Variants in RHOT1 observed in about 807,000 individuals in gnomAD.
The protein encoded by RHOT1 is mitochondrial Rho GTPase 1.
Under a neutral mutation model 95.3 loss-of-function variants are expected in RHOT1, and 27 were observed. That is an observed-to-expected ratio of 0.28 (90% CI 0.21 to 0.39). The LOEUF (loss-of-function observed/expected upper bound fraction) is 0.39. RHOT1 is among the 10% of genes least tolerant of loss of function. The pLI, the probability that RHOT1 is intolerant of heterozygous loss-of-function variation, is 1.00. For synonymous variants in RHOT1, 227 were observed against 263.5 expected (o/e 0.86, Z 1.34); for missense variants, 578 against 786.7 (o/e 0.73, Z 3.17).
intron 1 of RHOT1, among the ~76,000 whole-genome samples, chr17:32,161,664 T>A (rs913300539): frequency 6.6e-6 from 1 of 152,220 alleles, no homozygotes; most frequent in Non-Finnish European, 1.5e-5. Context: ...CAGGGACAGC[T>A]TGGAGGTTAG....
chr17:32,187,242 G>T lies in RHOT1; in HGVS notation c.540+3970G>T, dbSNP rs76193658. On this transcript the variant is annotated intron_variant, in intron 8 of 19. Coordinates refer to ENST00000545287, the MANE Select transcript of RHOT1 (RefSeq NM_001033566.3). ...GTGGAGGTTGCAGTGAGCTGAGATTGCACCACTGCACTCCAGCCTGGGCTA... is the reference window on the plus strand; with the variant it reads ...GTGGAGGTTGCAGTGAGCTGAGATTTCACCACTGCACTCCAGCCTGGGCTA... Among the ~76,000 whole-genome samples, 462 of 152,154 alleles carry T rather than the reference G, an allele frequency of 3.0e-3. 4 individuals carry two copies. Among genetic ancestry groups the T allele is most frequent in the African/African-American group, 0.01 (425 of 41,542 alleles).
intron 1 of RHOT1, among the ~76,000 whole-genome samples, chr17:32,152,600 AAG>A (rs1202710918): frequency 2.6e-5 from 4 of 151,996 alleles, no homozygotes; most frequent in East Asian, 1.9e-4. Flanking sequence ...TGAAAAAAAA[AAG>A]AGAGAGAGAG....
chr17:32,171,481 A>G (rs2034574412), intron 2 of RHOT1, among the ~76,000 whole-genome samples: 1 of 152,202 alleles, frequency 6.6e-6, no homozygotes, highest in South Asian at 2.1e-4. Context: ...AGTTCATCTA[A>G]GTCTTTTGCA....
chr17:32,190,390 G>A (rs1031859883), intron 8 of RHOT1, among the ~76,000 whole-genome samples: 5 of 152,092 alleles, frequency 3.3e-5, no homozygotes, highest in African/African-American at 4.8e-5. Context: ...GGGAGGCAGA[G>A]GTTGCAGTGA....
intron 1 of RHOT1, among the ~76,000 whole-genome samples, chr17:32,168,139 A>G (rs1364684628): frequency 1.3e-5 from 2 of 152,100 alleles, no homozygotes; most frequent in Non-Finnish European, 2.9e-5. Flanking sequence ...CTTTCAAAAT[A>G]TTACTGCTCA....
intron 1 of RHOT1, among the ~76,000 whole-genome samples, chr17:32,170,041 C>G (rs1032131574): frequency 5.9e-5 from 9 of 151,870 alleles, no homozygotes; most frequent in African/African-American, 1.9e-4. Context: ...ACTTGGAAAC[C>G]ATTCCAATGT....
At chr17:32,185,799 C>T (rs746844813) in intron 8 of RHOT1, among the ~76,000 whole-genome samples, 46 of 149,008 alleles carry the variant, frequency 3.1e-4, no homozygotes, top group Middle Eastern at 3.7e-3. Context: ...TAGCTCACTG[C>T]GGCCTCAAAC....
intron 19 of RHOT1, among the ~76,000 whole-genome samples, chr17:32,215,912 A>G (rs1262023764): frequency 6.6e-6 from 1 of 152,096 alleles, no homozygotes; most frequent in Non-Finnish European, 1.5e-5. Flanking sequence ...AATTATTTGA[A>G]TTTGAATACA....
Position 32,211,143 on chromosome 17 carries a change from C to T in RHOT1, c.1767C>T (p.Thr589=). 1.2e-6 allele frequency: 2 copies of T among 1,610,532 alleles called. No individual in the cohort carries two copies. The highest frequency in any genetic ancestry group is 1.1e-5 in the South Asian group (1 of 90,698). ...YPHARLRCMC[T]CNRCTFCICQ... ...ATGCCCGGTTACGCTGTATGTGCAC[C>T]TGCAACAGGTGTACATTTTGCATCT... The change falls in exon 19 of 20, where the codon ACC becomes ACT. Residue 589 remains threonine (T), a synonymous_variant. Transcript: ENST00000545287.
At chr17:32,208,867 T>C (rs2037934814) in intron 18 of RHOT1, 2 of 156,210 alleles carry the variant, frequency 1.3e-5, no homozygotes, top group Non-Finnish European at 2.8e-5. Flanking sequence ...ATTTATTATA[T>C]ATCTATACAT....
chr17:32,225,446 AT>A lies in RHOT1; in HGVS notation c.*716del, dbSNP rs966433862. 1.8e-4 allele frequency: 28 copies of A among 152,570 alleles called. No individual in the cohort carries two copies. Among genetic ancestry groups the A allele is most frequent in the African/African-American group, 6.8e-4 (28 of 41,434 alleles). 9.5% of individuals were successfully genotyped at this position (152,570 alleles called of 1,614,324 possible). On this transcript the variant is annotated 3_prime_UTR_variant, in exon 20 of 20. Transcript: ENST00000545287. ...GCCCTTTCAATGAAATAAAAAAAAA[AT>A]TTGTATATTACCAATGTTTTTAGTT...
intron 11 of RHOT1, among the ~76,000 whole-genome samples, chr17:32,196,166 A>G (rs545034686): frequency 1.8e-4 from 27 of 151,802 alleles, no homozygotes; most frequent in African/African-American, 6.5e-4. Flanking sequence ...ACACAGGATA[A>G]AACCCAAGCT....
At chr17:32,149,166 A>G (rs919807760) in intron 1 of RHOT1, among the ~76,000 whole-genome samples, 2 of 152,170 alleles carry the variant, frequency 1.3e-5, no homozygotes, top group Non-Finnish European at 2.9e-5. Flanking sequence ...TGTCCTCCAT[A>G]TTAATAACAT....
rs1162059092 is a variant in RHOT1, at chr17:32,149,591, CTATATATATATATA to C, written c.37+6894_37+6907del. Among the ~76,000 whole-genome samples, 219 of 52,686 alleles carry C rather than the reference CTATATATATATATA, an allele frequency of 4.2e-3. 3 individuals are homozygous for C. Among genetic ancestry groups the C allele is most frequent in the African/African-American group, 7.9e-3 (162 of 20,558 alleles). 34.6% of individuals were successfully genotyped at this position (52,686 alleles called of 152,430 possible). The stretch of plus-strand genomic sequence containing the variant: ...GGTGAATCACTTGAGCCCAGCAGTT[CTATATATATATATA>C]TATATATATATATATATATATATAT... On this transcript the variant is annotated intron_variant, in intron 1 of 19. Transcript: ENST00000545287.
intron 1 of RHOT1, among the ~76,000 whole-genome samples, chr17:32,149,635 A>ATGTGTGTGTGTGTGTGTGTGTGTG (rs1300585666): frequency 1.3e-3 from 79 of 59,052 alleles, no homozygotes; most frequent in Non-Finnish European, 1.7e-3. Context: ...ATATATATAT[A>ATGTGTGTGTGTGTGTGTGTGTGTG]TGTGTGTGTG....
chr17:32,199,558 T>C lies in RHOT1; in HGVS notation c.1100+8T>C. 6 of 1,591,542 alleles carry C rather than the reference T, an allele frequency of 3.8e-6. No homozygotes were observed. Among genetic ancestry groups the C allele is most frequent in the Non-Finnish European group, 4.3e-6 (5 of 1,173,180 alleles). On this transcript the variant is annotated splice_region_variant and intron_variant, in intron 13 of 19. Coordinates refer to ENST00000545287, the MANE Select transcript of RHOT1 (RefSeq NM_001033566.3). ...ATTCCTTTCCCAGTGGACGTGAGTA[T>C]AGAGCTCACCTCTTTCCTCTAGAGT...
intron 18 of RHOT1, 164 bp downstream of exon 18, chr17:32,208,473 T>C: frequency 1.5e-6 from 1 of 661,628 alleles, no homozygotes. Context: ...TTGGTTTGAA[T>C]GCCATAATAA....
chr17:32,175,622 A>C (rs1259985299), intron 4 of RHOT1, among the ~76,000 whole-genome samples: 2 of 152,082 alleles, frequency 1.3e-5, no homozygotes, highest in Non-Finnish European at 2.9e-5. Flanking sequence ...ATGCCCAGCT[A>C]ATTTTTGTAT....
intron 1 of RHOT1, among the ~76,000 whole-genome samples, chr17:32,143,857 A>T (rs1390902628): frequency 3.3e-5 from 5 of 152,212 alleles, no homozygotes; most frequent in African/African-American, 1.2e-4. Context: ...GGTCACCGTG[A>T]TGGAATCCCA....
Sources: gnomAD v4.1 joint callset for allele counts (sites outside exome capture counted in the v4.1 genomes callset) on GRCh38, gnomAD v4.1.1 for gene constraint, MANE v1.5 for transcripts, NCBI Gene and HGNC (gene_info 2026-07-23, HGNC 2026-07-21) for gene names.